NFASC: variants seen among roughly 807,000 people sequenced by gnomAD.
NFASC encodes neurofascin homolog.
In NFASC, 43 loss-of-function variants were observed where a neutral mutation model predicts 147.5. The observed-to-expected ratio is 0.29, with a 90% CI of 0.23 to 0.38. The LOEUF (loss-of-function observed/expected upper bound fraction) is 0.38. NFASC is among the 10% of genes least tolerant of loss of function. The probability of loss-of-function intolerance (pLI) is 1.00; values close to 1 mark genes in which losing one functional copy is unlikely to be tolerated. For synonymous variants in NFASC, 622 were observed against 665.5 expected (o/e 0.93, Z 1.01); for missense variants, 1,320 against 1,689.0 (o/e 0.78, Z 3.83).
chr1:204,873,175 G>A (rs1165819024), intron 1 of NFASC, among the ~76,000 whole-genome samples: 2 of 152,188 alleles, frequency 1.3e-5, no homozygotes, highest in African/African-American at 4.8e-5. Flanking sequence ...CATTTGAAAG[G>A]CACCTTGCAT....
chr1:204,953,320 G>A (rs916238525), intron 5 of NFASC, among the ~76,000 whole-genome samples: 5 of 152,226 alleles, frequency 3.3e-5, no homozygotes, highest in East Asian at 1.9e-4. Flanking sequence ...TAATTGAGAC[G>A]GAGTCTCGCT....
chr1:204,900,767 A>G (rs1418748898), intron 1 of NFASC, among the ~76,000 whole-genome samples: 1 of 152,184 alleles, frequency 6.6e-6, no homozygotes, highest in Non-Finnish European at 1.5e-5. Context: ...CTGAGGGAGA[A>G]ATATAGGCTA....
Position 204,968,670 on chromosome 1 carries a change from C to G in NFASC, c.819-128C>G, listed in dbSNP as rs549026430. The G allele has an allele frequency of 2.5e-6, 2 of 802,466 alleles. No homozygotes were observed. Among genetic ancestry groups the G allele is most frequent in the Admixed American group, 2.8e-5 (1 of 35,866 alleles). The allele number at this position is 802,466 out of a possible 1,614,324, so 49.7% of individuals were successfully genotyped here. A position where few individuals can be genotyped will look rare whatever the true frequency, so the allele number is the denominator to read the frequency against. ...TCCTCCTCTGCACAGGAAAGATCAG[C>G]TTTTAGAGGACATGCATCCTCCTGG... On this transcript the variant is annotated intron_variant, in intron 9 of 29. Transcript: ENST00000339876. This position sits in a 1 kb window ranked among gnomAD's most constrained non-coding sequence, Gnocchi z 5.4.
rs895438503 is a variant in NFASC at position 205,001,163 on chromosome 1, C to A, written c.3020-7C>A. The A allele has an allele frequency of 1.9e-6, 3 of 1,571,764 alleles. No individual in the cohort carries two copies. The highest frequency in any genetic ancestry group is 8.7e-7 in the Non-Finnish European group (1 of 1,147,374). On this transcript the variant is annotated splice_region_variant and splice_polypyrimidine_tract_variant and intron_variant, in intron 25 of 29. Coordinates refer to ENST00000339876, the MANE Select transcript of NFASC (RefSeq NM_001005388.3). ...ATCACTAACCCCTTTTCTAACCCGT[C>A]CACCAGCCCCTGATGAGCAGTCCAT...
rs573905948 is a variant in NFASC, at chr1:204,991,127, C to T, written c.2768-165C>T. 2.6e-5 allele frequency among the ~76,000 whole-genome samples: 4 copies of T among 152,374 alleles called. No individual in the cohort carries two copies. In the South Asian group the frequency reaches 6.2e-4, roughly 24 times the overall value. On this transcript the variant is annotated intron_variant, in intron 23 of 29. Coordinates refer to ENST00000339876, the MANE Select transcript of NFASC (RefSeq NM_001005388.3). ...ACCGTGAACCCTGAATGCCAGTTGGCATCCTCAGGCCAGCAGCCAGCACCT... is the reference window on the plus strand; with the variant it reads ...ACCGTGAACCCTGAATGCCAGTTGGTATCCTCAGGCCAGCAGCCAGCACCT...
chr1:205,006,867 G>A (rs1402241208), intron 27 of NFASC, among the ~76,000 whole-genome samples: 1 of 152,200 alleles, frequency 6.6e-6, no homozygotes, highest in Non-Finnish European at 1.5e-5. Flanking sequence ...TCCAAGGAGA[G>A]CTGTAGGAGG....
chr1:204,867,761 G>A lies in NFASC; in HGVS notation c.-200+38979G>A, dbSNP rs541714019. ...CTCATGGTCACACGCTCATGCATAG[G>A]CACAGCCACAGGCAGACCCACATAG... On this transcript the variant is annotated intron_variant, in intron 1 of 29. Coordinates refer to ENST00000339876, the MANE Select transcript of NFASC (RefSeq NM_001005388.3). 2.0e-3 allele frequency among the ~76,000 whole-genome samples: 308 copies of A among 152,236 alleles called. 3 individuals carry two copies. The highest frequency in any genetic ancestry group is 6.6e-3 in the African/African-American group (274 of 41,536).
chr1:205,001,816 G>A (rs767161714), intron 26 of NFASC, among the ~76,000 whole-genome samples: 3 of 152,170 alleles, frequency 2.0e-5, no homozygotes, highest in African/African-American at 2.4e-5. Context: ...GTACAGATTC[G>A]TTGGACTGCA....
chr1:204,858,959 A>G (rs1227877651), intron 1 of NFASC, among the ~76,000 whole-genome samples: 1 of 148,776 alleles, frequency 6.7e-6, no homozygotes, highest in East Asian at 2.0e-4. Flanking sequence ...GCCCTCCGCT[A>G]TTCAGTTGAA....
chr1:204,878,499 C>A (rs1303725534), intron 1 of NFASC, among the ~76,000 whole-genome samples: 1 of 152,152 alleles, frequency 6.6e-6, no homozygotes, highest in East Asian at 1.9e-4. Context: ...GCCTGGAGTT[C>A]CCCTGATAAT....
chr1:204,909,422 G>A (rs2086811185), intron 1 of NFASC, among the ~76,000 whole-genome samples: 1 of 152,094 alleles, frequency 6.6e-6, no homozygotes, highest in Admixed American at 6.5e-5. Context: ...GTCTTTTTAT[G>A]TCTTGTGCCC....
rs1381012512 is a variant in NFASC, at chr1:205,010,271, C to T, written c.3421+583C>T. ...ATGGCCCTAAAGCACTTTGGGCTTC[C>T]CTAAAATCCCAAGGATACCTCAAGA... On this transcript the variant is annotated intron_variant, in intron 28 of 29. Transcript: ENST00000339876. The surrounding 1 kb of genome is among the most constrained non-coding windows in gnomAD (Gnocchi z 4.1). 1 of 153,376 alleles carries T rather than the reference C, an allele frequency of 6.5e-6. No individual in the cohort carries two copies. Among genetic ancestry groups the T allele is most frequent in the Non-Finnish European group, 1.5e-5 (1 of 68,836 alleles). 9.5% of individuals were successfully genotyped at this position (153,376 alleles called of 1,614,324 possible).
chr1:205,004,527 TG>T (rs2096066173), intron 27 of NFASC, among the ~76,000 whole-genome samples: 2 of 152,228 alleles, frequency 1.3e-5, no homozygotes, highest in African/African-American at 4.8e-5. Context: ...GAGTACATAT[TG>T]TCCACTTCTC....
intron 1 of NFASC, among the ~76,000 whole-genome samples, chr1:204,919,022 G>T (rs2089913584): frequency 6.6e-6 from 1 of 151,350 alleles, no homozygotes; most frequent in Non-Finnish European, 1.5e-5. Flanking sequence ...TCCTTGTAGG[G>T]TTTTTTGTTT....
chr1:204,995,976 G>A (rs1014077791), intron 24 of NFASC, among the ~76,000 whole-genome samples: 1 of 152,146 alleles, frequency 6.6e-6, no homozygotes, highest in African/African-American at 2.4e-5. Flanking sequence ...AGAAAGTGGA[G>A]TGCTGTCAGA....
At chr1:205,005,437 T>A (rs1401479441) in intron 27 of NFASC, among the ~76,000 whole-genome samples, 6 of 152,144 alleles carry the variant, frequency 3.9e-5, no homozygotes, top group African/African-American at 1.4e-4. Flanking sequence ...CGTCTTCTAG[T>A]CCAGTGTAAG....
intron 1 of NFASC, among the ~76,000 whole-genome samples, chr1:204,909,652 T>C (rs575464317): frequency 6.6e-6 from 1 of 152,342 alleles, no homozygotes; most frequent in South Asian, 2.1e-4. Context: ...TAGCTCCAGA[T>C]TGCAACAATT....
chr1:204,918,250 G>A (rs544836131), intron 1 of NFASC, among the ~76,000 whole-genome samples: 1 of 152,098 alleles, frequency 6.6e-6, no homozygotes, highest in Admixed American at 6.5e-5. Flanking sequence ...TATCTTTGTG[G>A]TACATCTATC....
intron 1 of NFASC, among the ~76,000 whole-genome samples, chr1:204,908,820 C>T (rs774449235): frequency 6.6e-5 from 10 of 152,130 alleles, no homozygotes; most frequent in Non-Finnish European, 1.2e-4. Context: ...TAAAAAGTCA[C>T]AAAGTATGTA....
Sources: allele counts gnomAD v4.1 joint callset (sites outside exome capture counted in the v4.1 genomes callset), GRCh38; gene constraint gnomAD v4.1.1; non-coding constraint Gnocchi (gnomAD v3.1); transcripts MANE v1.5; gene names NCBI Gene and HGNC (gene_info 2026-07-23, HGNC 2026-07-21).